Variants in CFAP54 observed in about 807,000 individuals in gnomAD.
CFAP54 encodes the protein cilia and flagella associated protein 54, also known as cilia- and flagella-associated protein 54.
In CFAP54, 290 loss-of-function variants were observed where a neutral mutation model predicts 370.4. The ratio of observed to expected loss-of-function variants is 0.78; its 90% CI spans 0.71 to 0.86. The LOEUF is 0.86. Ranked by LOEUF, CFAP54 falls within the 40% of genes least tolerant of loss-of-function variation. The pLI is 0.00. For synonymous variants in CFAP54, 1,206 were observed against 1,236.5 expected, an observed-to-expected ratio of 0.98 and a Z score of 0.52; for missense variants, 3,399 against 3,528.7, an observed-to-expected ratio of 0.96 and a Z score of 0.93.
chr12:96,596,706 C>T (rs1956183531), intron 25 of CFAP54, among the ~76,000 whole-genome samples: 1 of 151,844 alleles, frequency 6.6e-6, no homozygotes, highest in Admixed American at 6.6e-5. Flanking sequence ...AACAAAGAAC[C>T]TATGTGTAAC....
intron 39 of CFAP54, among the ~76,000 whole-genome samples, chr12:96,679,345 A>T (rs557051372): frequency 6.6e-6 from 1 of 152,238 alleles, no homozygotes; most frequent in African/African-American, 2.4e-5. Flanking sequence ...AAAATTGGCA[A>T]GATCTAAAGT....
rs752066029 is a variant in CFAP54, at chr12:96,691,108, T to A, written c.6082-20T>A. On this transcript the variant is annotated intron_variant, in intron 43 of 67. Coordinates refer to ENST00000524981, the MANE Select transcript of CFAP54 (RefSeq NM_001306084.2). ...AATGCTATCTATAGCTCTTTATATT[T>A]CACTTTTTTTCATTTTCAGGGTTTG... 8 of 1,607,402 alleles carry A rather than the reference T, an allele frequency of 5.0e-6. No homozygotes were observed. Among genetic ancestry groups the A allele is most frequent in the Non-Finnish European group, 6.8e-6 (8 of 1,176,372 alleles).
At chr12:96,858,580 C>T (rs1161252647) in intron 66 of CFAP54, among the ~76,000 whole-genome samples, 1 of 152,090 alleles carries the variant, frequency 6.6e-6, no homozygotes, top group Non-Finnish European at 1.5e-5. Flanking sequence ...CCATGTCCAG[C>T]TTTGTATTGC....
intron 36 of CFAP54, among the ~76,000 whole-genome samples, chr12:96,654,364 A>C (rs958558416): frequency 1.3e-5 from 2 of 151,326 alleles, no homozygotes; most frequent in Non-Finnish European, 3.0e-5. Context: ...AGCCGGGCGT[A>C]GTGGCGGGCG....
chr12:96,585,536 G>A (rs1956069093), intron 22 of CFAP54, among the ~76,000 whole-genome samples: 1 of 151,912 alleles, frequency 6.6e-6, no homozygotes, highest in Non-Finnish European at 1.5e-5. Flanking sequence ...ACCTAAGACT[G>A]GTCACGAACT....
At chr12:96,623,903 A>G (rs1314134321) in intron 28 of CFAP54, 22 bp downstream of exon 28, 1 of 1,399,892 alleles carries the variant, frequency 7.1e-7, no homozygotes, top group African/African-American at 1.4e-5. Flanking sequence ...TTTTCTGTAT[A>G]CTTCCATTTA....
chr12:96,533,261 T>C (rs908334592), intron 9 of CFAP54, among the ~76,000 whole-genome samples: 4 of 152,172 alleles, frequency 2.6e-5, no homozygotes, highest in African/African-American at 9.7e-5. Flanking sequence ...CCAATAAGCC[T>C]GGCTAGTCCT....
rs569486254 is a variant in CFAP54, at chr12:96,610,888, G to T, written c.3640-10702G>T. Among the ~76,000 whole-genome samples, 591 of 152,268 alleles carry T rather than the reference G, an allele frequency of 3.9e-3. 4 individuals carry two copies. The highest frequency in any genetic ancestry group is 0.013 in the African/African-American group (553 of 41,568). On this transcript the variant is annotated intron_variant, in intron 26 of 67. Coordinates refer to ENST00000524981, the MANE Select transcript of CFAP54 (RefSeq NM_001306084.2). ...CTTGAGTAGGTAAACAAAGCAGCTG[G>T]GAAGTTCGAACTGGGTGGAGCCCAC...
chr12:96,863,791 C>CA (rs1449973937), intron 67 of CFAP54, among the ~76,000 whole-genome samples: 2 of 152,076 alleles, frequency 1.3e-5, no homozygotes, highest in African/African-American at 4.8e-5. Flanking sequence ...TTGCAGATAA[C>CA]ATTTCAGCAC....
At chr12:96,704,526 G>A (rs779734583) in intron 46 of CFAP54, among the ~76,000 whole-genome samples, 54 of 124,642 alleles carry the variant, frequency 4.3e-4, no homozygotes, top group Non-Finnish European at 7.9e-4. Context: ...AAAGAAGTTA[G>A]TAGGAAAAAC....
chr12:96,675,386 A>G (rs923335233), intron 39 of CFAP54, among the ~76,000 whole-genome samples: 1 of 152,224 alleles, frequency 6.6e-6, no homozygotes, highest in Non-Finnish European at 1.5e-5. Flanking sequence ...AACCACAATG[A>G]GATACCATCT....
chr12:96,800,476 C>T (rs931531260), intron 63 of CFAP54, among the ~76,000 whole-genome samples: 2 of 152,106 alleles, frequency 1.3e-5, no homozygotes, highest in Admixed American at 6.6e-5. Context: ...TCCCCTTTGA[C>T]AATAAGCATG....
chr12:96,694,404 G>T (rs1010977156), intron 45 of CFAP54, among the ~76,000 whole-genome samples: 1 of 151,828 alleles, frequency 6.6e-6, no homozygotes, highest in African/African-American at 2.4e-5. Flanking sequence ...TTTGTACGTG[G>T]ATAATCTCAA....
intron 19 of CFAP54, among the ~76,000 whole-genome samples, chr12:96,569,737 A>T (rs1377227590): frequency 6.6e-6 from 1 of 152,206 alleles, no homozygotes; most frequent in East Asian, 1.9e-4. Context: ...AATCTAATTT[A>T]TGGTACCATT....
intron 46 of CFAP54, among the ~76,000 whole-genome samples, chr12:96,701,156 A>C (rs1957487603): frequency 1.3e-5 from 2 of 152,172 alleles, no homozygotes; most frequent in Non-Finnish European, 2.9e-5. Context: ...ATGTATATAC[A>C]TCCATATATA....
At chr12:96,642,496 C>A (rs191286013) in intron 32 of CFAP54, among the ~76,000 whole-genome samples, 17 of 152,058 alleles carry the variant, frequency 1.1e-4, no homozygotes, top group African/African-American at 4.1e-4. Flanking sequence ...CTCTGTATCT[C>A]TCTATCTCTC....
At position 96,524,773 on chromosome 12, in the gene CFAP54, G is replaced by T. The variant is rs1254779780; in HGVS notation, c.1159-2473G>T. On this transcript the variant is annotated intron_variant, in intron 8 of 67. Coordinates refer to ENST00000524981, the MANE Select transcript of CFAP54 (RefSeq NM_001306084.2). ...TGTCATGGAGACTGTAGTATTTAAA[G>T]ATGGAACCAGACTGTACAGTTGTGC... 3.3e-5 allele frequency among the ~76,000 whole-genome samples: 5 copies of T among 152,172 alleles called. No homozygotes were observed. In the East Asian group the frequency reaches 9.6e-4, roughly 29 times the overall value.
chr12:96,784,967 A>G, intron 61 of CFAP54, 77 bp downstream of exon 61: 4 of 1,177,104 alleles, frequency 3.4e-6, no homozygotes, highest in East Asian at 2.8e-5. Context: ...GTTGAGAATT[A>G]TAAGATACTT....
chr12:96,776,996 G>T (rs1458040904), intron 60 of CFAP54, among the ~76,000 whole-genome samples: 3 of 152,140 alleles, frequency 2.0e-5, no homozygotes, highest in Non-Finnish European at 4.4e-5. Flanking sequence ...TTCAAAACTT[G>T]AATTTTATCT....
Sources: gnomAD v4.1 joint callset for allele counts (sites outside exome capture counted in the v4.1 genomes callset) on GRCh38, gnomAD v4.1.1 for gene constraint, MANE v1.5 for transcripts, NCBI Gene and HGNC (gene_info 2026-07-23, HGNC 2026-07-21) for gene names.